The following DNAH8 variants were observed in gnomAD, a reference collection of about 807,000 sequenced individuals.
The protein encoded by DNAH8 is dynein axonemal heavy chain 8, also known as axonemal beta dynein heavy chain 8.
DNAH8 carries 382 observed loss-of-function variants against 562.1 expected under a neutral mutation model. The ratio of observed to expected loss-of-function variants is 0.68; its 90% CI spans 0.63 to 0.74. The LOEUF (loss-of-function observed/expected upper bound fraction) is 0.74, where lower values mean the gene tolerates loss of function less well. DNAH8 is among the 30% of genes least tolerant of loss of function. The pLI is 0.00. For missense variants in DNAH8, 5,203 were observed against 5,620.4 expected (o/e 0.93, Z 2.37); for synonymous variants, 1,881 against 1,919.4 (o/e 0.98, Z 0.52).
chr6:38,839,542 A>T (rs1022624418), intron 33 of DNAH8, among the ~76,000 whole-genome samples: 1 of 151,848 alleles, frequency 6.6e-6, no homozygotes, highest in African/African-American at 2.4e-5. Flanking sequence ...TTTTTTATAC[A>T]TACAGGAGTC....
intron 79 of DNAH8, among the ~76,000 whole-genome samples, chr6:38,943,998 G>C (rs1783655385): frequency 6.6e-6 from 1 of 152,142 alleles, no homozygotes; most frequent in Non-Finnish European, 1.5e-5. Context: ...GGAATAGGAA[G>C]GGCTGTCATT....
At chr6:38,800,028 A>G (rs1770632608) in intron 21 of DNAH8, among the ~76,000 whole-genome samples, 1 of 152,214 alleles carries the variant, frequency 6.6e-6, no homozygotes, top group Non-Finnish European at 1.5e-5. Context: ...GGCTTACTGC[A>G]GCCTCTAATT....
intron 74 of DNAH8, among the ~76,000 whole-genome samples, chr6:38,928,796 G>T (rs1782309921): frequency 6.6e-6 from 1 of 152,126 alleles, no homozygotes; most frequent in Non-Finnish European, 1.5e-5. Context: ...TCACAGTTAG[G>T]CAGGGGGAGG....
At chr6:38,939,972 T>C (rs1242432124) in intron 79 of DNAH8, among the ~76,000 whole-genome samples, 1 of 151,950 alleles carries the variant, frequency 6.6e-6, no homozygotes, top group East Asian at 1.9e-4. Flanking sequence ...AAATGAAAGG[T>C]GGATATGGAG....
chr6:38,923,333 G>C, intron 72 of DNAH8, 148 bp downstream of exon 72: 1 of 917,886 alleles, frequency 1.1e-6, no homozygotes, highest in Admixed American at 3.2e-5. Flanking sequence ...ATACTATAGA[G>C]GGTGAAGAAG....
chr6:38,821,116 A>C (rs913160023), intron 26 of DNAH8, among the ~76,000 whole-genome samples: 3 of 152,198 alleles, frequency 2.0e-5, no homozygotes, highest in African/African-American at 7.2e-5. Flanking sequence ...ACACACACAA[A>C]AAAACCCCAT....
intron 37 of DNAH8, 73 bp downstream of exon 37, chr6:38,848,874 C>T (rs185579944): frequency 5.5e-4 from 796 of 1,439,586 alleles, no homozygotes; most frequent in Non-Finnish European, 5.9e-4. Context: ...TAAAAGTCTT[C>T]ACAAAGACAT....
intron 57 of DNAH8, 41 bp downstream of exon 57, chr6:38,887,045 T>C (rs754620644): frequency 7.1e-6 from 10 of 1,405,390 alleles, no homozygotes; most frequent in Non-Finnish European, 1.0e-5. Flanking sequence ...CATTACATAA[T>C]GGACATAAAC....
At chr6:39,015,479 T>G (rs1766505420) in intron 91 of DNAH8, among the ~76,000 whole-genome samples, 1 of 152,192 alleles carries the variant, frequency 6.6e-6, no homozygotes, top group South Asian at 2.1e-4. Context: ...CCCATGCTGC[T>G]TTCGTGATAG....
At chr6:38,869,592 C>G (rs1777309729) in intron 48 of DNAH8, among the ~76,000 whole-genome samples, 1 of 152,186 alleles carries the variant, frequency 6.6e-6, no homozygotes, top group Non-Finnish European at 1.5e-5. Flanking sequence ...TCAGTGTACT[C>G]AAACCTACTG....
chr6:38,718,751 C>G (rs1762527912), intron 1 of DNAH8, among the ~76,000 whole-genome samples: 1 of 152,166 alleles, frequency 6.6e-6, no homozygotes, highest in Non-Finnish European at 1.5e-5. Flanking sequence ...TCACAAAAGT[C>G]TGCTTGTATA....
chr6:39,022,546 C>T (rs1296486825), intron 91 of DNAH8, among the ~76,000 whole-genome samples: 1 of 152,246 alleles, frequency 6.6e-6, no homozygotes, highest in Non-Finnish European at 1.5e-5. Context: ...TTCCAGAGCC[C>T]ACCTGCCTGC....
At chr6:38,848,208 C>G (rs1775450338) in intron 36 of DNAH8, among the ~76,000 whole-genome samples, 1 of 152,134 alleles carries the variant, frequency 6.6e-6, no homozygotes, top group African/African-American at 2.4e-5. Context: ...AAAGGAAAAT[C>G]CCTGGATAGT....
Position 38,938,858 on chromosome 6 carries a change from T to G in DNAH8, c.11877T>G (p.Tyr3959Ter), listed in dbSNP as rs754334951. The change falls in exon 79 of 93, where the codon TAT (tyrosine) becomes TAG (stop). Residue 3959 changes from tyrosine to a stop codon, truncating the protein, a stop_gained. Transcript: ENST00000327475. LOFTEE classifies it high-confidence loss of function. ...RITNIIEYLTYEVFTYSVRGL... is the reference protein window; with the variant it reads ...RITNIIEYLT ...CAAATATTATCGAGTACCTGACATA[T>G]GAAGTTTTTACATACTCTGTCAGAG... The G allele has an allele frequency of 1.8e-5, 29 of 1,613,142 alleles. No homozygotes were observed. The highest frequency in any genetic ancestry group is 2.5e-5 in the Non-Finnish European group (29 of 1,179,338).
chr6:38,791,750 A>T, intron 21 of DNAH8, 76 bp downstream of exon 21: 1 of 1,491,340 alleles, frequency 6.7e-7, no homozygotes, highest in Non-Finnish European at 9.1e-7. Flanking sequence ...TCAGTCTAAA[A>T]GTAGAAACCT....
In DNAH8 at chr6:38,882,910, G is replaced by A; in HGVS notation, c.7859G>A (p.Gly2620Asp). 1.9e-6 allele frequency: 3 copies of A among 1,566,484 alleles called. No individual in the cohort carries two copies. The highest frequency in any genetic ancestry group is 2.3e-5 in the East Asian group (1 of 43,276). Residue 2620 changes from glycine to aspartate, a missense_variant and splice_region_variant, in exon 54 of 93, where the codon GGT (glycine) becomes GAT (aspartate). By Grantham distance (94) the Gly-to-Asp change is moderately conservative. Transcript: ENST00000327475. ...AGATGAAATTTTACTTATTATATAG[G>A]TGATTGGGAGCACTGGAATAAGAAA... ...TMYEFYVTDY[G>D]DWEHWNKKLQ...
intron 82 of DNAH8, among the ~76,000 whole-genome samples, chr6:38,955,189 G>C (rs1374548754): frequency 2.6e-5 from 4 of 152,016 alleles, no homozygotes; most frequent in Non-Finnish European, 4.4e-5. Context: ...TCCCAGGCTG[G>C]TCTTGAACTC....
intron 85 of DNAH8, among the ~76,000 whole-genome samples, chr6:38,977,019 G>A (rs560585404): frequency 1.7e-3 from 264 of 152,292 alleles, no homozygotes; most frequent in African/African-American, 6.0e-3. Flanking sequence ...CCTGGTTTGG[G>A]TGGCATTATG....
Position 38,770,483 on chromosome 6 carries a change from CAG to C in DNAH8, c.1689_1690del (p.Glu565LysfsTer4), listed in dbSNP as rs1562720686. ...ACAAGGAAACTGATTTCAGAATCCT[CAG>C]GGGAAAAATCTTTTGAGGTTTCAGA... On this transcript the variant is annotated frameshift_variant, in exon 12 of 93. Transcript: ENST00000327475. LOFTEE classifies it high-confidence loss of function. 2 of 1,607,244 alleles carry C rather than the reference CAG, an allele frequency of 1.2e-6. No individual in the cohort carries two copies. Among genetic ancestry groups the C allele is most frequent in the East Asian group, 2.2e-5 (1 of 44,756 alleles).
Sources: allele counts gnomAD v4.1 joint callset (sites outside exome capture counted in the v4.1 genomes callset), GRCh38; gene constraint gnomAD v4.1.1; transcripts MANE v1.5; gene names NCBI Gene and HGNC (gene_info 2026-07-23, HGNC 2026-07-21).